The following KDM4C variants were observed in gnomAD, a reference collection of about 807,000 sequenced individuals.
The protein encoded by KDM4C is lysine-specific demethylase 4C.
In KDM4C, 81 loss-of-function variants were observed where a neutral mutation model predicts 129.3. The ratio of observed to expected loss-of-function variants is 0.63; its 90% CI spans 0.52 to 0.75. KDM4C has a LOEUF of 0.75. Among genes scored for constraint, KDM4C ranks in the 30% least tolerant of loss-of-function variants. The pLI, the probability that KDM4C is intolerant of heterozygous loss-of-function variation, is 0.00. For missense variants in KDM4C, 1,457 were observed against 1,304.0 expected (o/e 1.12, Z -1.81); for synonymous variants, 573 against 456.1 (o/e 1.26, Z -3.26).
intron 1 of KDM4C, among the ~76,000 whole-genome samples, chr9:6,769,393 G>T (rs1821307856): frequency 6.6e-6 from 1 of 151,982 alleles, no homozygotes; most frequent in Admixed American, 6.6e-5. Context: ...TAGCAAAGAG[G>T]TCAGTTATAT....
chr9:6,974,995 C>T (rs1832693830), intron 8 of KDM4C: 1 of 152,160 alleles, frequency 6.6e-6, no homozygotes, highest in Non-Finnish European at 1.5e-5. Flanking sequence ...CTTTTGGAGA[C>T]CCCGGAGCAA....
chr9:7,155,865 A>T (rs1191833577), intron 19 of KDM4C, among the ~76,000 whole-genome samples: 5 of 152,300 alleles, frequency 3.3e-5, no homozygotes, highest in East Asian at 3.9e-4. Flanking sequence ...ATCCTTTGGG[A>T]ATATACCCAG....
At chr9:7,156,928 A>G (rs1843238518) in intron 19 of KDM4C, among the ~76,000 whole-genome samples, 2 of 152,220 alleles carry the variant, frequency 1.3e-5, no homozygotes, top group South Asian at 2.1e-4. Flanking sequence ...CATTGAATCT[A>G]TAAATTACCT....
At chr9:6,981,733 G>A (rs72703313) in intron 9 of KDM4C, 1 of 175,742 alleles carries the variant, frequency 5.7e-6, no homozygotes, top group Non-Finnish European at 1.4e-5. Flanking sequence ...CTATTGAATA[G>A]GGTGTGTGTG....
intron 15 of KDM4C, among the ~76,000 whole-genome samples, chr9:7,031,782 C>T (rs376908842): frequency 6.6e-5 from 10 of 152,220 alleles, no homozygotes; most frequent in East Asian, 5.8e-4. Context: ...CAGTGCTGCA[C>T]GTGGCCATTT....
chr9:6,841,095 C>A (rs1836836541), intron 4 of KDM4C, among the ~76,000 whole-genome samples: 1 of 152,110 alleles, frequency 6.6e-6, no homozygotes, highest in African/African-American at 2.4e-5. Context: ...TTAACAGGTT[C>A]TTTCAGTATT....
chr9:7,106,755 A>G (rs1587674345), intron 18 of KDM4C, among the ~76,000 whole-genome samples: 1 of 152,130 alleles, frequency 6.6e-6, no homozygotes, highest in Admixed American at 6.6e-5. Flanking sequence ...TCAGCCTCCC[A>G]AAGTGCCGGA....
intron 19 of KDM4C, among the ~76,000 whole-genome samples, chr9:7,133,547 G>A (rs1041221991): frequency 1.2e-4 from 18 of 152,140 alleles, no homozygotes; most frequent in African/African-American, 3.6e-4. Context: ...TTGCCAAGTC[G>A]CACAAAAGCT....
chr9:7,153,972 A>G (rs1842935305), intron 19 of KDM4C, among the ~76,000 whole-genome samples: 1 of 152,092 alleles, frequency 6.6e-6, no homozygotes. Context: ...GTCTGAGAGA[A>G]TTCTCTCTTC....
chr9:6,976,591 G>A (rs1300534137), intron 8 of KDM4C, among the ~76,000 whole-genome samples: 1 of 152,176 alleles, frequency 6.6e-6, no homozygotes, highest in Admixed American at 6.5e-5. Context: ...TTCGCTTTGT[G>A]TTGGATAGAA....
chr9:7,016,232 A>G (rs1026782429), intron 15 of KDM4C, among the ~76,000 whole-genome samples: 4 of 151,248 alleles, frequency 2.6e-5, no homozygotes, highest in Non-Finnish European at 5.9e-5. Flanking sequence ...GGTTCACACC[A>G]TTCTCCTGCC....
Position 6,984,460 on chromosome 9 carries a change from A to G in KDM4C, c.1354+56A>G, listed in dbSNP as rs569160013. 161 of 1,098,054 alleles carry G rather than the reference A, an allele frequency of 1.5e-4. 2 individuals are homozygous for G. In the Admixed American group the frequency reaches 2.3e-3, roughly 16 times the overall value. 68.0% of individuals were successfully genotyped at this position (1,098,054 alleles called of 1,614,324 possible). ...TAAGTAGTAGGTGGTTGATGATCAG[A>G]TGTCTTAAATGGATGTTCACTATGA... On this transcript the variant is annotated intron_variant, in intron 10 of 21. Coordinates refer to ENST00000381309, the MANE Select transcript of KDM4C (RefSeq NM_015061.6).
At chr9:7,113,822 A>T (rs960368446) in intron 18 of KDM4C, among the ~76,000 whole-genome samples, 1 of 152,222 alleles carries the variant, frequency 6.6e-6, no homozygotes, top group Admixed American at 6.5e-5. Flanking sequence ...TTCTGGATTC[A>T]TGAAGGCTCG....
intron 17 of KDM4C, 25 bp from the exon 18 acceptor site, chr9:7,103,660 G>T (rs376593788): frequency 6.6e-7 from 1 of 1,525,918 alleles, no homozygotes; most frequent in Non-Finnish European, 8.9e-7. Flanking sequence ...GTGAATTGAT[G>T]TTCTTCTCTG....
intron 8 of KDM4C, among the ~76,000 whole-genome samples, chr9:6,897,618 G>C (rs1229749454): frequency 6.6e-6 from 1 of 152,192 alleles, no homozygotes; most frequent in Non-Finnish European, 1.5e-5. Flanking sequence ...GATGGGCAGA[G>C]GTCAGATTTG....
intron 3 of KDM4C, among the ~76,000 whole-genome samples, chr9:6,808,888 A>C (rs1830634005): frequency 2.0e-5 from 3 of 152,078 alleles, no homozygotes; most frequent in Non-Finnish European, 4.4e-5. Flanking sequence ...CTTCTTTTAA[A>C]AAATTCTGAT....
At chr9:7,168,704 C>T (rs1422737122) in intron 20 of KDM4C, among the ~76,000 whole-genome samples, 2 of 152,170 alleles carry the variant, frequency 1.3e-5, no homozygotes, top group East Asian at 1.9e-4. Context: ...GAATTTGACA[C>T]GTGAATTTTG....
chr9:6,979,912 T>C (rs573609765), intron 8 of KDM4C, among the ~76,000 whole-genome samples: 6 of 152,194 alleles, frequency 3.9e-5, no homozygotes, highest in Non-Finnish European at 8.8e-5. Context: ...GAGTGTGGTT[T>C]GAAGTTGAAG....
At chr9:7,033,794 G>A (rs1827182169) in intron 15 of KDM4C, among the ~76,000 whole-genome samples, 1 of 152,174 alleles carries the variant, frequency 6.6e-6, no homozygotes, top group South Asian at 2.1e-4. Flanking sequence ...GAAAGCACAA[G>A]TAAAGTCAAG....
Sources: gnomAD v4.1 joint callset for allele counts (sites outside exome capture counted in the v4.1 genomes callset) on GRCh38, gnomAD v4.1.1 for gene constraint, MANE v1.5 for transcripts, NCBI Gene and HGNC (gene_info 2026-07-23, HGNC 2026-07-21) for gene names.